Variants in CSMD1 observed in about 807,000 individuals in gnomAD.
CSMD1 encodes the protein CUB and Sushi multiple domains 1.
CSMD1 carries 213 observed loss-of-function variants against 417.5 expected under a neutral mutation model. The observed-to-expected ratio is 0.51, with a 90% confidence interval of 0.46 to 0.57. The LOEUF is 0.57. Ranked by LOEUF, CSMD1 falls within the 20% of genes least tolerant of loss-of-function variation. The pLI, the probability that CSMD1 is intolerant of heterozygous loss-of-function variation, is 0.00. For missense variants in CSMD1, 6,923 were observed against 4,529.7 expected, an observed-to-expected ratio of 1.53 and a Z score of -15.17; for synonymous variants, 2,862 against 1,736.8, an observed-to-expected ratio of 1.65 and a Z score of -16.11.
chr8:4,015,530 C>T (rs755135811), intron 4 of CSMD1, among the ~76,000 whole-genome samples: 1 of 152,050 alleles, frequency 6.6e-6, no homozygotes, highest in African/African-American at 2.4e-5. Flanking sequence ...TGGGCCTACA[C>T]TATTTAGCAT....
In CSMD1 at chr8:3,832,444, A is replaced by G. The variant is rs75049914; in HGVS notation, c.819-78402T>C. 2.3e-3 allele frequency among the ~76,000 whole-genome samples: 357 copies of G among 152,352 alleles called. 1 individual carries two copies. The highest frequency in any genetic ancestry group is 8.2e-3 in the African/African-American group (343 of 41,584). ...TCTGAATTGCCTTAATTATAAAGCG[A>G]TTATGTAAGATAAGATTTTTTGTTT... is the stretch of plus-strand genomic sequence containing the variant. On this transcript the variant is annotated intron_variant, in intron 5 of 69. Transcript: ENST00000635120.
chr8:2,965,887 G>C lies in CSMD1; in HGVS notation c.9168C>G (p.Asn3056Lys). The change falls in exon 59 of 70, where the codon AAC (asparagine) becomes AAG (lysine). Residue 3056 changes from asparagine to lysine, a missense_variant. Transcript: ENST00000635120. ...GIQFGTDFTF[N>K]KTVSYQCNPG... ...GGTTACACTGATAGCTCACAGTCTT[G>C]TTGAAGGTGAAGTCGGTCCCAAACT... The C allele has an allele frequency of 6.2e-7, 1 of 1,610,600 alleles. No individual in the cohort carries two copies. Among genetic ancestry groups the C allele is most frequent in the Non-Finnish European group, 8.5e-7 (1 of 1,178,440 alleles).
At chr8:3,753,349 T>G (rs1037854280) in intron 6 of CSMD1, among the ~76,000 whole-genome samples, 1 of 152,226 alleles carries the variant, frequency 6.6e-6, no homozygotes, top group East Asian at 1.9e-4. Context: ...TGATACAATA[T>G]GATCTAGGTA....
chr8:3,955,375 T>C (rs946287943), intron 5 of CSMD1, among the ~76,000 whole-genome samples: 1 of 152,150 alleles, frequency 6.6e-6, no homozygotes, highest in African/African-American at 2.4e-5. Flanking sequence ...ATCTTACTGG[T>C]TCAGAGATTT....
At chr8:4,547,183 T>C (rs914626748) in intron 2 of CSMD1, among the ~76,000 whole-genome samples, 1 of 152,192 alleles carries the variant, frequency 6.6e-6, no homozygotes, top group Non-Finnish European at 1.5e-5. Flanking sequence ...ACCCGTCCAC[T>C]TATTAAACTA....
At chr8:3,465,349 G>C (rs1221746904) in intron 12 of CSMD1, among the ~76,000 whole-genome samples, 6 of 152,140 alleles carry the variant, frequency 3.9e-5, no homozygotes, top group Non-Finnish European at 8.8e-5. Context: ...GATTGTCTTT[G>C]GGGAGTTAGA....
At chr8:3,797,975 C>T (rs550221982) in intron 5 of CSMD1, among the ~76,000 whole-genome samples, 9 of 152,010 alleles carry the variant, frequency 5.9e-5, no homozygotes, top group East Asian at 5.8e-4. Flanking sequence ...CATCTCATTG[C>T]GGTTTCAACG....
intron 7 of CSMD1, among the ~76,000 whole-genome samples, chr8:3,625,267 G>A (rs1247308103): frequency 6.6e-6 from 1 of 152,154 alleles, no homozygotes; most frequent in South Asian, 2.1e-4. Context: ...TCACATAGAA[G>A]TAAGTTGCTC....
At chr8:4,425,767 C>G (rs1797514209) in intron 2 of CSMD1, among the ~76,000 whole-genome samples, 1 of 152,130 alleles carries the variant, frequency 6.6e-6, no homozygotes, top group Non-Finnish European at 1.5e-5. Context: ...ATAATCCACA[C>G]AGGTGTCTTG....
intron 5 of CSMD1, among the ~76,000 whole-genome samples, chr8:3,929,239 C>T (rs1809968613): frequency 6.7e-6 from 1 of 150,280 alleles, no homozygotes; most frequent in Non-Finnish European, 1.5e-5. Context: ...GGTGTTTGTC[C>T]ATATACACAT....
intron 3 of CSMD1, among the ~76,000 whole-genome samples, chr8:4,076,239 C>T (rs1324443201): frequency 1.3e-5 from 2 of 152,170 alleles, no homozygotes; most frequent in East Asian, 1.9e-4. Flanking sequence ...CGTTTCTTGG[C>T]ACTTCTCTCT....
chr8:3,771,034 G>A (rs548180946), intron 5 of CSMD1, among the ~76,000 whole-genome samples: 10 of 152,016 alleles, frequency 6.6e-5, no homozygotes, highest in Non-Finnish European at 1.2e-4. Flanking sequence ...GTGTGTCTGC[G>A]TGCGTGTGTG....
chr8:3,034,416 G>C (rs778581833), intron 50 of CSMD1, among the ~76,000 whole-genome samples: 9 of 152,140 alleles, frequency 5.9e-5, no homozygotes, highest in Non-Finnish European at 1.0e-4. Flanking sequence ...TGAAAGCTGA[G>C]AGGACTTTAT....
chr8:4,440,660 G>T (rs1798415507), intron 2 of CSMD1, among the ~76,000 whole-genome samples: 2 of 152,164 alleles, frequency 1.3e-5, no homozygotes, highest in South Asian at 4.1e-4. Context: ...ATACATTTGT[G>T]CTGCTTGAGA....
intron 7 of CSMD1, among the ~76,000 whole-genome samples, chr8:3,650,019 C>G (rs1797768894): frequency 6.6e-6 from 1 of 152,120 alleles, no homozygotes; most frequent in Non-Finnish European, 1.5e-5. Flanking sequence ...TGGCTCATGC[C>G]TGGAATCCCA....
chr8:4,812,046 T>A (rs937687981), intron 1 of CSMD1, among the ~76,000 whole-genome samples: 32 of 152,096 alleles, frequency 2.1e-4, no homozygotes, highest in Admixed American at 6.6e-4. Flanking sequence ...AAAGACAAGG[T>A]CCTGTCATTT....
chr8:4,309,978 T>A (rs2128878183), intron 3 of CSMD1, among the ~76,000 whole-genome samples: 1 of 152,294 alleles, frequency 6.6e-6, no homozygotes, highest in Non-Finnish European at 1.5e-5. Flanking sequence ...AGTGCTTTAT[T>A]TTCACACCAG....
At chr8:4,330,399 G>C (rs546013069) in intron 3 of CSMD1, among the ~76,000 whole-genome samples, 1 of 152,146 alleles carries the variant, frequency 6.6e-6, no homozygotes, top group East Asian at 1.9e-4. Flanking sequence ...GTTCAGACCA[G>C]CCTGACCAAC....
intron 2 of CSMD1, among the ~76,000 whole-genome samples, chr8:4,443,411 G>C (rs181997449): frequency 6.6e-6 from 1 of 152,150 alleles, no homozygotes; most frequent in African/African-American, 2.4e-5. Context: ...CAAGAAAATT[G>C]CAACAATCTT....
Sources: allele counts gnomAD v4.1 joint callset (sites outside exome capture counted in the v4.1 genomes callset), GRCh38; gene constraint gnomAD v4.1.1; transcripts MANE v1.5; gene names NCBI Gene and HGNC (gene_info 2026-07-23, HGNC 2026-07-21).